DOP1B: variants seen among roughly 807,000 people sequenced by gnomAD.
DOP1B encodes DOP1 leucine zipper like protein B, also known as protein DOP1B.
In DOP1B, 174 loss-of-function variants were observed where a neutral mutation model predicts 233.5. The ratio of observed to expected loss-of-function variants is 0.75; its 90% confidence interval spans 0.66 to 0.85. The LOEUF (loss-of-function observed/expected upper bound fraction) is 0.85. DOP1B is among the 40% of genes least tolerant of loss of function. The pLI is 0.00. For missense variants in DOP1B, 2,652 were observed against 2,846.6 expected, an observed-to-expected ratio of 0.93 and a Z score of 1.56; for synonymous variants, 1,190 against 1,185.6, an observed-to-expected ratio of 1.00 and a Z score of -0.08.
intron 4 of DOP1B, among the ~76,000 whole-genome samples, chr21:36,201,150 TGTG>T (rs1283387222): frequency 2.0e-5 from 3 of 152,072 alleles, no homozygotes; most frequent in Non-Finnish European, 4.4e-5. Context: ...GGGCGCCTAG[TGTG>T]GAGGAAATGA....
intron 18 of DOP1B, among the ~76,000 whole-genome samples, chr21:36,244,100 C>T (rs1367198572): frequency 2.2e-5 from 3 of 136,698 alleles, no homozygotes; most frequent in African/African-American, 8.2e-5. Flanking sequence ...GATTTCAGCT[C>T]ACTGCAACTT....
intron 26 of DOP1B, among the ~76,000 whole-genome samples, chr21:36,265,563 G>A (rs868692444): frequency 2.0e-5 from 3 of 152,132 alleles, no homozygotes; most frequent in Admixed American, 6.5e-5. Flanking sequence ...CCCTGCTTTC[G>A]TGGCCTGTTG....
intron 36 of DOP1B, among the ~76,000 whole-genome samples, chr21:36,292,611 G>GTTT (rs35069387): frequency 3.2e-5 from 4 of 124,746 alleles, no homozygotes; most frequent in East Asian, 4.7e-4. Flanking sequence ...TTGTTTTTGG[G>GTTT]TTTTTTTTTT....
chr21:36,280,118 G>A (rs951745946), intron 30 of DOP1B, among the ~76,000 whole-genome samples, 167 bp from the exon 31 acceptor site: 1 of 152,096 alleles, frequency 6.6e-6, no homozygotes, highest in African/African-American at 2.4e-5. Flanking sequence ...CAGGTGATCC[G>A]CCCACCTCGG....
chr21:36,280,602 T>A (rs1261067803), intron 31 of DOP1B, among the ~76,000 whole-genome samples: 2 of 152,198 alleles, frequency 1.3e-5, no homozygotes, highest in Admixed American at 1.3e-4. Context: ...GCATCCAGCT[T>A]CACATCTTGA....
chr21:36,225,731 G>A lies in DOP1B; in HGVS notation c.1473+64G>A. On this transcript the variant is annotated intron_variant, in intron 12 of 36. Coordinates refer to ENST00000691173, the MANE Select transcript of DOP1B (RefSeq NM_001320714.2). The stretch of plus-strand genomic sequence containing the variant: ...ATTTACATTCTTACTGGTGGTGATG[G>A]CCTGCTTTATCAACCTCACATTACT... 2.6e-6 allele frequency: 4 copies of A among 1,518,010 alleles called. No individual in the cohort carries two copies. The South Asian group carries it at 3.4e-5, about 13-fold the overall frequency. 94.0% of individuals were successfully genotyped at this position (1,518,010 alleles called of 1,614,324 possible). A position where few individuals can be genotyped will look rare whatever the true frequency, so the allele number is the denominator to read the frequency against.
chr21:36,245,312 A>G lies in DOP1B; in HGVS notation c.3332A>G (p.Glu1111Gly). 1.9e-6 allele frequency: 3 copies of G among 1,614,076 alleles called. No individual in the cohort carries two copies. The highest frequency in any genetic ancestry group is 2.5e-6 in the Non-Finnish European group (3 of 1,180,034). Residue 1111 changes from glutamate (E) to glycine (G), a missense_variant, in exon 19 of 37, where the codon GAG becomes GGG. This residue lies in a region of DOP1B where 2,617 missense variants were observed against 2,794.3 expected (regional missense o/e 0.94). Coordinates refer to ENST00000691173, the MANE Select transcript of DOP1B (RefSeq NM_001320714.2). This position sits in a 1 kb window ranked among gnomAD's most constrained non-coding sequence, Gnocchi z 5.5. The stretch of plus-strand genomic sequence containing the variant: ...GCCCCGGACAGCAGCGAGCACACCG[A>G]GTCTGCAGATACAAGCTCCTGCCAC... ...HGAPDSSEHTESADTSSCHTD... is the reference protein window; with the variant it reads ...HGAPDSSEHTGSADTSSCHTD...
chr21:36,200,461 C>A lies in DOP1B; in HGVS notation c.451C>A (p.Leu151Met). ...CAGTCTGCAGGCCTTCATCGTGGGC[C>A]TGCTGCCCGGCCTTGAAGAGGGCTC... Reference protein sequence around the residue: ...LPSLQAFIVGLLPGLEEGSEI... With the variant: ...LPSLQAFIVGMLPGLEEGSEI... The change falls in exon 4 of 37, where the codon CTG (leucine) becomes ATG (methionine). Residue 151 changes from leucine to methionine, a missense_variant. Coordinates refer to ENST00000691173, the MANE Select transcript of DOP1B (RefSeq NM_001320714.2). The A allele has an allele frequency of 1.2e-6, 2 of 1,612,686 alleles. No individual in the cohort carries two copies. The highest frequency in any genetic ancestry group is 8.5e-7 in the Non-Finnish European group (1 of 1,179,846).
chr21:36,202,656 T>A (rs2066382143), intron 4 of DOP1B, among the ~76,000 whole-genome samples: 2 of 152,228 alleles, frequency 1.3e-5, no homozygotes, highest in African/African-American at 4.8e-5. Context: ...CATTGCACTT[T>A]AACCATTTCA....
Position 36,231,022 on chromosome 21 carries a change from C to A in DOP1B, c.2238C>A (p.Arg746=). ...VIDLGGSREE[R]REAFAAACHL... The stretch of plus-strand genomic sequence containing the variant: ...ACCTGGGGGGTTCCAGGGAGGAACG[C>A]AGGGAGGCCTTTGCCGCCGCCTGCC... Residue 746 remains arginine (R), a synonymous_variant, in exon 14 of 37, where the codon CGC becomes CGA. Transcript: ENST00000691173. 6.2e-7 allele frequency: 1 copy of A among 1,614,154 alleles called. No individual in the cohort carries two copies. The highest frequency in any genetic ancestry group is 2.2e-5 in the East Asian group (1 of 44,882).
At chr21:36,181,710 C>T (rs757800814) in intron 2 of DOP1B, among the ~76,000 whole-genome samples, 5 of 152,152 alleles carry the variant, frequency 3.3e-5, no homozygotes, top group African/African-American at 9.7e-5. Flanking sequence ...CCTGATGGCA[C>T]GTGTTATGTC....
intron 35 of DOP1B, among the ~76,000 whole-genome samples, chr21:36,291,631 A>G (rs1017498164): frequency 6.6e-6 from 1 of 152,196 alleles, no homozygotes; most frequent in Non-Finnish European, 1.5e-5. Context: ...CAAGAAGTAG[A>G]GACAACCCAA....
At chr21:36,168,894 G>A in intron 2 of DOP1B, 1 of 394,902 alleles carries the variant, frequency 2.5e-6, no homozygotes, top group South Asian at 2.8e-5. Flanking sequence ...CTCCCTGTGG[G>A]TTTTTTTTTT....
At position 36,211,966 on chromosome 21, in the gene DOP1B, T is replaced by C. The variant is rs1216911315; in HGVS notation, c.781-8T>C. 1 of 1,613,868 alleles carries C rather than the reference T, an allele frequency of 6.2e-7. No individual in the cohort carries two copies. The highest frequency in any genetic ancestry group is 8.5e-7 in the Non-Finnish European group (1 of 1,179,936). On this transcript the variant is annotated splice_polypyrimidine_tract_variant and splice_region_variant and intron_variant, in intron 6 of 36. Coordinates refer to ENST00000691173, the MANE Select transcript of DOP1B (RefSeq NM_001320714.2). ...CCCTTGCAGTAAATTTCTCTGTCCTTCTAATAGGATTCCAATGAGAGAGCC... is the reference window on the plus strand; with the variant it reads ...CCCTTGCAGTAAATTTCTCTGTCCTCCTAATAGGATTCCAATGAGAGAGCC...
At position 36,212,101 on chromosome 21, in the gene DOP1B, C is replaced by A. The variant is rs376753497; in HGVS notation, c.904+4C>A. Reference sequence around the variant, plus strand: ...AGACTGTATGCATGGTTACTAGGTACTGAGCAGTATACACCCTTTTAAAGT... The same window carrying A: ...AGACTGTATGCATGGTTACTAGGTAATGAGCAGTATACACCCTTTTAAAGT... On this transcript the variant is annotated splice_donor_region_variant and intron_variant, in intron 7 of 36. Transcript: ENST00000691173. 6.2e-7 allele frequency: 1 copy of A among 1,603,312 alleles called. No individual in the cohort carries two copies. Among genetic ancestry groups the A allele is most frequent in the Admixed American group, 1.7e-5 (1 of 57,440 alleles).
chr21:36,193,738 T>C (rs2066258998), intron 2 of DOP1B, among the ~76,000 whole-genome samples: 1 of 152,136 alleles, frequency 6.6e-6, no homozygotes, highest in African/African-American at 2.4e-5. Flanking sequence ...TAAGGTGGAA[T>C]TGCGGGGAGC....
intron 2 of DOP1B, among the ~76,000 whole-genome samples, chr21:36,191,447 G>A (rs2066233381): frequency 6.6e-6 from 1 of 152,088 alleles, no homozygotes. Flanking sequence ...ACTCTTCTCT[G>A]GTCAGTTCAG....
chr21:36,254,406 G>A (rs1054974014), intron 23 of DOP1B, among the ~76,000 whole-genome samples: 3 of 152,070 alleles, frequency 2.0e-5, no homozygotes, highest in Non-Finnish European at 4.4e-5. Flanking sequence ...GGAGGGAGGG[G>A]GAAGGAGCAG....
rs931470983 is a variant in DOP1B at position 36,223,172 on chromosome 21, CTT to C, written c.1251-55_1251-54del. 13 of 1,521,462 alleles carry C rather than the reference CTT, an allele frequency of 8.5e-6. No homozygotes were observed. In the African/African-American group the frequency reaches 1.6e-4, roughly 18 times the overall value. The allele number at this position is 1,521,462 out of a possible 1,614,324, so 94.2% of individuals were successfully genotyped here. A position where few individuals can be genotyped will look rare whatever the true frequency, so the allele number is the denominator to read the frequency against. On this transcript the variant is annotated intron_variant, in intron 10 of 36. Transcript: ENST00000691173. Reference sequence around the variant, plus strand: ...GAAATCAATTACAGTTTTTTGGACACTTTTTGTAATTCAGGATTTTTTTATAG... The same window carrying C: ...GAAATCAATTACAGTTTTTTGGACACTTTGTAATTCAGGATTTTTTTATAG...
Sources: gnomAD v4.1 joint callset for allele counts (sites outside exome capture counted in the v4.1 genomes callset) on GRCh38, gnomAD v4.1.1 for gene constraint, gnomAD v4.1.1 regional missense constraint, Gnocchi (gnomAD v3.1) non-coding constraint, MANE v1.5 for transcripts, NCBI Gene and HGNC (gene_info 2026-07-23, HGNC 2026-07-21) for gene names.